GPSM1: variants seen among roughly 807,000 people sequenced by gnomAD.
The protein encoded by GPSM1 is G protein signaling modulator 1.
A neutral mutation model predicts 70.5 loss-of-function variants in GPSM1; 48 were observed. That is an observed-to-expected ratio of 0.68 (90% CI 0.54 to 0.87). GPSM1 has a LOEUF of 0.87. Among genes scored for constraint, GPSM1 ranks in the 40% least tolerant of loss-of-function variants. The pLI is 0.00. For missense variants in GPSM1, 981 were observed against 972.6 expected (o/e 1.01, Z -0.11); for synonymous variants, 416 against 430.1 (o/e 0.97, Z 0.41).
At chr9:136,350,127 C>G (rs936183447) in intron 11 of GPSM1, among the ~76,000 whole-genome samples, 7 of 152,250 alleles carry the variant, frequency 4.6e-5, no homozygotes, top group Non-Finnish European at 8.8e-5. Context: ...CTCTCTCTGA[C>G]TCCAGCCCCC....
chr9:136,354,180 G>A (rs1832748594), intron 11 of GPSM1, among the ~76,000 whole-genome samples: 1 of 152,210 alleles, frequency 6.6e-6, no homozygotes, highest in Non-Finnish European at 1.5e-5. Context: ...CCTAAAACAG[G>A]GCTGTCCACA....
intron 9 of GPSM1, among the ~76,000 whole-genome samples, chr9:136,348,317 G>A (rs1832573156): frequency 6.6e-6 from 1 of 152,182 alleles, no homozygotes; most frequent in South Asian, 2.1e-4. Context: ...GGGGGATTGG[G>A]TGGCCTCACA....
At chr9:136,334,418 G>A in intron 1 of GPSM1, 29 bp from the exon 2 acceptor site, 1 of 1,576,764 alleles carries the variant, frequency 6.3e-7, no homozygotes, top group Non-Finnish European at 8.7e-7. Context: ...TGCCAGGGCT[G>A]GGCCATGACG....
chr9:136,341,566 G>C lies in GPSM1; in HGVS notation c.1207+573G>C. 1 of 1,029,436 alleles carries C rather than the reference G, an allele frequency of 9.7e-7. No individual in the cohort carries two copies. 63.8% of individuals were successfully genotyped at this position (1,029,436 alleles called of 1,614,324 possible). A position where few individuals can be genotyped will look rare whatever the true frequency, so the allele number is the denominator to read the frequency against. On this transcript the variant is annotated intron_variant, in intron 9 of 13. Coordinates refer to ENST00000440944, the MANE Select transcript of GPSM1 (RefSeq NM_001145638.3). The surrounding 1 kb of genome is among the most constrained non-coding windows in gnomAD (Gnocchi z 6.7). ...CGAAAAGACTAATAGGTGCCAGGGG[G>C]GTGGTGCCAGGTTGGGCCGACTTCC...
intron 1 of GPSM1, among the ~76,000 whole-genome samples, chr9:136,328,826 T>A (rs533452485): frequency 6.6e-6 from 1 of 152,158 alleles, no homozygotes; most frequent in Non-Finnish European, 1.5e-5. Context: ...GTGATTTTGC[T>A]GGCAGCTGCT....
chr9:136,334,567 GACACTGAGT>G lies in GPSM1; in HGVS notation c.190_198del (p.Thr64_Ser66del), dbSNP rs1564341965. The G allele has an allele frequency of 6.2e-7, 1 of 1,613,418 alleles. No individual in the cohort carries two copies. Among genetic ancestry groups the G allele is most frequent in the Non-Finnish European group, 8.5e-7 (1 of 1,179,996 alleles). On this transcript the variant is annotated inframe_deletion, in exon 2 of 14. Transcript: ENST00000440944. ...TGCAGGTGGGCACCGAGGACCTGAAGACACTGAGTGCCATCTACAGCCAGCTGGGCAACG... is the reference window on the plus strand; with the variant it reads ...TGCAGGTGGGCACCGAGGACCTGAAGGCCATCTACAGCCAGCTGGGCAACG...
chr9:136,354,720 C>G, intron 11 of GPSM1: 2 of 701,934 alleles, frequency 2.8e-6, no homozygotes, highest in Non-Finnish European at 3.5e-6. Flanking sequence ...ACCACGCCCT[C>G]CAGCCTCCCT....
At chr9:136,352,410 T>C (rs1315985308) in intron 11 of GPSM1, among the ~76,000 whole-genome samples, 1 of 152,210 alleles carries the variant, frequency 6.6e-6, no homozygotes, top group Non-Finnish European at 1.5e-5. Flanking sequence ...CATTCGGGGC[T>C]TTGGGATCTG....
chr9:136,341,466 C>T lies in GPSM1; in HGVS notation c.1207+473C>T, dbSNP rs1480034817. 2.3e-6 allele frequency: 3 copies of T among 1,331,692 alleles called. No individual in the cohort carries two copies. Among genetic ancestry groups the T allele is most frequent in the Non-Finnish European group, 2.9e-6 (3 of 1,042,750 alleles). The allele number at this position is 1,331,692 out of a possible 1,614,324, so 82.5% of individuals were successfully genotyped here. ...GGCCATGCGAGGCCACCGTGGTGACCTCATTCATGGACCGCTGGTCGTCCC... is the reference window on the plus strand; with the variant it reads ...GGCCATGCGAGGCCACCGTGGTGACTTCATTCATGGACCGCTGGTCGTCCC... On this transcript the variant is annotated intron_variant, in intron 9 of 13. Transcript: ENST00000440944. This position sits in a 1 kb window ranked among gnomAD's most constrained non-coding sequence, Gnocchi z 6.7.
rs1348712339 is a variant in GPSM1 at position 136,343,213 on chromosome 9, C to G, written c.1207+2220C>G. 6.6e-6 allele frequency among the ~76,000 whole-genome samples: 1 copy of G among 152,146 alleles called. No homozygotes were observed. Among genetic ancestry groups the G allele is most frequent in the African/African-American group, 2.4e-5 (1 of 41,428 alleles). ...CAGCAACCAGCCCCCACCTCCCTGG[C>G]CAGAGGGCACAGGCCCGGGCCTCCC... On this transcript the variant is annotated intron_variant, in intron 9 of 13. Transcript: ENST00000440944. The surrounding 1 kb of genome is among the most constrained non-coding windows in gnomAD (Gnocchi z 6.0).
rs782357908 is a variant in GPSM1 at position 136,358,013 on chromosome 9, G to A, written c.1822-1G>A. The A allele has an allele frequency of 6.2e-7, 1 of 1,612,142 alleles. No homozygotes were observed. The highest frequency in any genetic ancestry group is 1.3e-5 in the African/African-American group (1 of 75,026). Reference sequence around the variant, plus strand: ...CCGCCAACTGCACTGTGTCCACCCAGTCCTCCAGGATCGATGACCAGCGCT... The same window carrying A: ...CCGCCAACTGCACTGTGTCCACCCAATCCTCCAGGATCGATGACCAGCGCT... On this transcript the variant is annotated splice_acceptor_variant, in intron 13 of 13. Coordinates refer to ENST00000440944, the MANE Select transcript of GPSM1 (RefSeq NM_001145638.3). LOFTEE classifies it high-confidence loss of function.
intron 11 of GPSM1, among the ~76,000 whole-genome samples, chr9:136,352,028 C>G (rs1832676953): frequency 6.6e-6 from 1 of 150,910 alleles, no homozygotes. Context: ...TTGGGGTCCT[C>G]ATCTGCAAAG....
Position 136,340,987 on chromosome 9 carries a change from GC to G in GPSM1, c.1204del (p.Gln402ArgfsTer11). On this transcript the variant is annotated frameshift_variant, in exon 9 of 14. Transcript: ENST00000440944. LOFTEE classifies it high-confidence loss of function. This position sits in a 1 kb window ranked among gnomAD's most constrained non-coding sequence, Gnocchi z 7.3. ...SEKPDLAGYE[A>X]QGARPKRTQR... ...GAAGCCTGACCTGGCCGGCTATGAGGCCCAGGGTGAGTTCCAGGGTTGTGGG... is the reference window on the plus strand; with the variant it reads ...GAAGCCTGACCTGGCCGGCTATGAGGCCAGGGTGAGTTCCAGGGTTGTGGG... 6.4e-7 allele frequency: 1 copy of G among 1,566,736 alleles called. No individual in the cohort carries two copies. Among genetic ancestry groups the G allele is most frequent in the Non-Finnish European group, 8.6e-7 (1 of 1,156,252 alleles).
At chr9:136,331,267 C>G (rs1489472997) in intron 1 of GPSM1, among the ~76,000 whole-genome samples, 9 of 152,144 alleles carry the variant, frequency 5.9e-5, no homozygotes, top group Non-Finnish European at 1.0e-4. Flanking sequence ...GGCCCTGACC[C>G]CGTCAGACCT....
Position 136,341,366 on chromosome 9 carries a change from A to T in GPSM1, c.1207+373A>T, listed in dbSNP as rs1588697199. Reference sequence around the variant, plus strand: ...TGGGAGGCGAGAGGGCATCAGCCAGAGGGCTGGGCTGGGCTGGGCTGGGCT... The same window carrying T: ...TGGGAGGCGAGAGGGCATCAGCCAGTGGGCTGGGCTGGGCTGGGCTGGGCT... On this transcript the variant is annotated intron_variant, in intron 9 of 13. Transcript: ENST00000440944. This position sits in a 1 kb window ranked among gnomAD's most constrained non-coding sequence, Gnocchi z 6.7. The T allele has an allele frequency of 1.4e-6, 2 of 1,409,414 alleles. No individual in the cohort carries two copies. The highest frequency in any genetic ancestry group is 1.8e-6 in the Non-Finnish European group (2 of 1,085,562). The allele number at this position is 1,409,414 out of a possible 1,614,324, so 87.3% of individuals were successfully genotyped here. A position where few individuals can be genotyped will look rare whatever the true frequency, so the allele number is the denominator to read the frequency against.
At chr9:136,356,600 C>T (rs1186318713) in intron 13 of GPSM1, 50 bp downstream of exon 13, 19 of 1,420,076 alleles carry the variant, frequency 1.3e-5, no homozygotes, top group East Asian at 2.4e-5. Flanking sequence ...TTGCCATCCA[C>T]GTGTGTGGAG....
rs138108700 is a variant in GPSM1 at position 136,357,456 on chromosome 9, G to A, written c.1822-558G>A. Among the ~76,000 whole-genome samples the A allele has an allele frequency of 3.3e-4, 50 of 152,360 alleles. No individual in the cohort carries two copies. In the East Asian group the frequency reaches 6.7e-3, roughly 21 times the overall value. On this transcript the variant is annotated intron_variant, in intron 13 of 13. Transcript: ENST00000440944. ...GCCAGCTCCCGTCCCTCCTGCTCCA[G>A]GCGCTTCAGAGAAGCCCAGACAACC...
rs562068740 is a variant in GPSM1 at position 136,341,244 on chromosome 9, C to A, written c.1207+251C>A. On this transcript the variant is annotated intron_variant, in intron 9 of 13. Coordinates refer to ENST00000440944, the MANE Select transcript of GPSM1 (RefSeq NM_001145638.3). This position sits in a 1 kb window ranked among gnomAD's most constrained non-coding sequence, Gnocchi z 6.7. ...AAGGACAGGAGGTGGTCGCCTGTTGCCCCACTGGCTGCTCCAGGGCCTCCA... is the reference window on the plus strand; with the variant it reads ...AAGGACAGGAGGTGGTCGCCTGTTGACCCACTGGCTGCTCCAGGGCCTCCA... The A allele has an allele frequency of 1.4e-5, 21 of 1,503,336 alleles. No individual in the cohort carries two copies. In the South Asian group the frequency reaches 2.6e-4, roughly 18 times the overall value. The allele number at this position is 1,503,336 out of a possible 1,614,324, so 93.1% of individuals were successfully genotyped here. A position where few individuals can be genotyped will look rare whatever the true frequency, so the allele number is the denominator to read the frequency against.
At chr9:136,350,388 C>A (rs782612390) in intron 11 of GPSM1, among the ~76,000 whole-genome samples, 1 of 152,202 alleles carries the variant, frequency 6.6e-6, no homozygotes, top group Non-Finnish European at 1.5e-5. Context: ...TGGCGGGGGT[C>A]CCTGAGCAGA....
Sources: allele counts gnomAD v4.1 joint callset (sites outside exome capture counted in the v4.1 genomes callset), GRCh38; gene constraint gnomAD v4.1.1; non-coding constraint Gnocchi (gnomAD v3.1); transcripts MANE v1.5; gene names NCBI Gene and HGNC (gene_info 2026-07-23, HGNC 2026-07-21).